RIPOR3: variants seen among roughly 807,000 people sequenced by gnomAD.
RIPOR3 encodes RIPOR family member 3.
Under a neutral mutation model 114.3 loss-of-function variants are expected in RIPOR3, and 95 were observed. The observed-to-expected ratio is 0.83, with a 90% CI of 0.70 to 0.99. The LOEUF is 0.99. Ranked by LOEUF, RIPOR3 falls within the 50% of genes least tolerant of loss-of-function variation. The pLI is 0.00. For missense variants in RIPOR3, 1,252 were observed against 1,266.9 expected (o/e 0.99, Z 0.18); for synonymous variants, 575 against 543.8 (o/e 1.06, Z -0.80).
chr20:50,608,085 G>A (rs866657142), intron 11 of RIPOR3, among the ~76,000 whole-genome samples: 1 of 152,090 alleles, frequency 6.6e-6, no homozygotes, highest in African/African-American at 2.4e-5. Context: ...CTGGAGAGGT[G>A]AGCCTCCTCC....
chr20:50,587,100 C>T lies in RIPOR3; in HGVS notation c.*132G>A. The T allele has an allele frequency of 1.4e-6, 1 of 701,120 alleles. No homozygotes were observed. The highest frequency in any genetic ancestry group is 1.8e-5 in the South Asian group (1 of 56,470). 43.4% of individuals were successfully genotyped at this position (701,120 alleles called of 1,614,324 possible). ...CTGGGGCTGGGTCAATGGCCGGAGT[C>T]TCAGGTAGAGCTCTGGGCAGCTCAC... On this transcript the variant is annotated 3_prime_UTR_variant, in exon 22 of 22. Transcript: ENST00000327979.
At chr20:50,637,745 G>A (rs548468834) in intron 1 of RIPOR3, among the ~76,000 whole-genome samples, 2 of 152,062 alleles carry the variant, frequency 1.3e-5, no homozygotes, top group South Asian at 4.2e-4. Flanking sequence ...CGTAGTGGCG[G>A]GCTCCTGTAA....
intron 1 of RIPOR3, among the ~76,000 whole-genome samples, chr20:50,631,117 A>G (rs2123253469): frequency 6.6e-6 from 1 of 152,204 alleles, no homozygotes; most frequent in African/African-American, 2.4e-5. Flanking sequence ...GTGCCGGGCA[A>G]TGCTGCCTCC....
chr20:50,643,061 CA>C (rs1272831659), intron 1 of RIPOR3, among the ~76,000 whole-genome samples: 1 of 151,064 alleles, frequency 6.6e-6, no homozygotes, highest in Non-Finnish European at 1.5e-5. Context: ...AAAAAAAACC[CA>C]AAAAGAATAG....
At chr20:50,678,408 C>G (rs1014601017) in intron 1 of RIPOR3, among the ~76,000 whole-genome samples, 1 of 152,184 alleles carries the variant, frequency 6.6e-6, no homozygotes, top group Non-Finnish European at 1.5e-5. Context: ...CACCTCCCAC[C>G]CCACCCCACA....
Position 50,604,776 on chromosome 20 carries a change from T to G in RIPOR3, c.957-2A>C. On this transcript the variant is annotated splice_acceptor_variant, in intron 11 of 21. Transcript: ENST00000327979. LOFTEE classifies it high-confidence loss of function. Reference sequence around the variant, plus strand: ...AGGAAGCTCTCAGTATCAAACGGGCTGGAGGAGAGAACAGAAGGTCAGGAT... The same window carrying G: ...AGGAAGCTCTCAGTATCAAACGGGCGGGAGGAGAGAACAGAAGGTCAGGAT... 6.2e-7 allele frequency: 1 copy of G among 1,607,234 alleles called. No homozygotes were observed. The highest frequency in any genetic ancestry group is 8.5e-7 in the Non-Finnish European group (1 of 1,177,824).
chr20:50,668,856 CAAA>C (rs771469226), intron 1 of RIPOR3, among the ~76,000 whole-genome samples: 2 of 131,316 alleles, frequency 1.5e-5, no homozygotes, highest in Non-Finnish European at 3.3e-5. Flanking sequence ...GACTCCATCT[CAAA>C]AAAAAAAAAA....
chr20:50,662,741 G>A (rs1390836484), intron 1 of RIPOR3, among the ~76,000 whole-genome samples: 2 of 152,222 alleles, frequency 1.3e-5, no homozygotes, highest in African/African-American at 4.8e-5. Context: ...TGACACGGGG[G>A]AAGTCAATTC....
In RIPOR3 at chr20:50,594,635, G is replaced by A. The variant is rs1159929379; in HGVS notation, c.2130C>T (p.Cys710=). 6.2e-7 allele frequency: 1 copy of A among 1,613,686 alleles called. No individual in the cohort carries two copies. The highest frequency in any genetic ancestry group is 1.3e-5 in the African/African-American group (1 of 74,870). Residue 710 remains cysteine, a synonymous_variant, in exon 17 of 22, where the codon TGC becomes TGT. Transcript: ENST00000327979. ...GCTGGTTCAGCAGCGTCGTGGCAGG[G>A]CAGGACAGGACCCTGCCAGGCCCTG... is the stretch of plus-strand genomic sequence containing the variant. The part of the protein sequence containing the change: ...GCTGPGRVLS[C]PATTLLNQLK...
intron 1 of RIPOR3, among the ~76,000 whole-genome samples, chr20:50,665,650 G>T (rs1367061663): frequency 6.6e-6 from 1 of 152,018 alleles, no homozygotes; most frequent in South Asian, 2.1e-4. Context: ...TCGAACTCCT[G>T]ACCTTGTGAT....
In RIPOR3 at chr20:50,602,189, G is replaced by T. The variant is rs768013136; in HGVS notation, c.1542C>A (p.Gly514=). The T allele has an allele frequency of 3.1e-6, 5 of 1,613,130 alleles. No homozygotes were observed. In the African/African-American group the frequency reaches 6.7e-5, roughly 22 times the overall value. ...GATGDREDGP[G]VALEGPLQEV... Reference sequence around the variant, plus strand: ...CCTGCAGAGGCCCCTCGAGGGCCACGCCAGGCCCGTCCTCTCTGTCCCCGG... The same window carrying T: ...CCTGCAGAGGCCCCTCGAGGGCCACTCCAGGCCCGTCCTCTCTGTCCCCGG... The change falls in exon 13 of 22, where the codon GGC becomes GGA. Residue 514 remains glycine (G), a synonymous_variant. Transcript: ENST00000327979. This position sits in a 1 kb window ranked among gnomAD's most constrained non-coding sequence, Gnocchi z 4.3.
At chr20:50,625,221 C>T (rs146390803) in intron 2 of RIPOR3, among the ~76,000 whole-genome samples, 2 of 152,292 alleles carry the variant, frequency 1.3e-5, no homozygotes, top group African/African-American at 4.8e-5. Flanking sequence ...CAGGAGTGCA[C>T]AATTACACTC....
chr20:50,637,051 G>A (rs1174409244), intron 1 of RIPOR3, among the ~76,000 whole-genome samples: 1 of 152,160 alleles, frequency 6.6e-6, no homozygotes, highest in Non-Finnish European at 1.5e-5. Context: ...CCAGGAAGAG[G>A]AATGTGAGTT....
chr20:50,596,123 TC>T lies in RIPOR3; in HGVS notation c.1914+16del. ...CCCCTGTCTGCCCCTCCCTGACAAGTCCCCTAGCCCAGCCACCTGCAGCAGA... is the reference window on the plus strand; with the variant it reads ...CCCCTGTCTGCCCCTCCCTGACAAGTCCCTAGCCCAGCCACCTGCAGCAGA... On this transcript the variant is annotated intron_variant, in intron 15 of 21. Coordinates refer to ENST00000327979, the MANE Select transcript of RIPOR3 (RefSeq NM_001290268.2). 6.2e-7 allele frequency: 1 copy of T among 1,613,886 alleles called. No individual in the cohort carries two copies. The highest frequency in any genetic ancestry group is 8.5e-7 in the Non-Finnish European group (1 of 1,179,954).
rs942692463 is a variant in RIPOR3 at position 50,658,189 on chromosome 20, A to C, written c.4-27333T>G. 2.6e-5 allele frequency among the ~76,000 whole-genome samples: 4 copies of C among 152,224 alleles called. No individual in the cohort carries two copies. In the South Asian group the frequency reaches 8.3e-4, roughly 32 times the overall value. ...ATTCATCATAGCAAAAAGGTGCAAG[A>C]GACCCAAATGTCCATTGACAGATGA... is the stretch of plus-strand genomic sequence containing the variant. On this transcript the variant is annotated intron_variant, in intron 1 of 21. Transcript: ENST00000327979.
In RIPOR3 at chr20:50,608,466, G is replaced by A; in HGVS notation, c.879C>T (p.Phe293=). 2 of 1,613,968 alleles carry A rather than the reference G, an allele frequency of 1.2e-6. No homozygotes were observed. The highest frequency in any genetic ancestry group is 1.7e-4 in the Middle Eastern group (1 of 6,060). ...GAVTCDIADF[F]TTRPQVIVVD... ...CCACGATGACCTGCGGCCGCGTCGT[G>A]AAGAAGTCGGCGATGTCACACGTCA... is the stretch of plus-strand genomic sequence containing the variant. The change falls in exon 11 of 22, where the codon TTC becomes TTT. Residue 293 remains phenylalanine, a synonymous_variant. Coordinates refer to ENST00000327979, the MANE Select transcript of RIPOR3 (RefSeq NM_001290268.2).
In RIPOR3 at chr20:50,602,496, G is replaced by A. The variant is rs773358330; in HGVS notation, c.1235C>T (p.Ser412Phe). The change falls in exon 13 of 22, where the codon TCT becomes TTT. Residue 412 changes from serine (S) to phenylalanine (F), a missense_variant. Coordinates refer to ENST00000327979, the MANE Select transcript of RIPOR3 (RefSeq NM_001290268.2). The surrounding 1 kb of genome is among the most constrained non-coding windows in gnomAD (Gnocchi z 4.3). The stretch of plus-strand genomic sequence containing the variant: ...GGTCTCCGTGTCTCGGGGGTCCTCA[G>A]AGCTGAAGGAGTCCATCTCAGGCAG... ...QELPEMDSFS[S>F]EDPRDTETST... 2.6e-6 allele frequency: 4 copies of A among 1,563,512 alleles called. No individual in the cohort carries two copies. Among genetic ancestry groups the A allele is most frequent in the Non-Finnish European group, 3.5e-6 (4 of 1,152,930 alleles).
chr20:50,622,438 T>G (rs557806883), intron 2 of RIPOR3, among the ~76,000 whole-genome samples: 2 of 152,234 alleles, frequency 1.3e-5, no homozygotes, highest in East Asian at 3.9e-4. Context: ...TGCCTCAGCC[T>G]CCCAAAGTAC....
chr20:50,593,239 A>G (rs1174954315), intron 17 of RIPOR3, 43 bp from the exon 18 acceptor site: 1 of 1,588,246 alleles, frequency 6.3e-7, no homozygotes, highest in Non-Finnish European at 8.5e-7. Context: ...TGAGACCTCG[A>G]CCCTCCACGC....
Sources: gnomAD v4.1 joint callset for allele counts (sites outside exome capture counted in the v4.1 genomes callset) on GRCh38, gnomAD v4.1.1 for gene constraint, Gnocchi (gnomAD v3.1) non-coding constraint, MANE v1.5 for transcripts, NCBI Gene and HGNC (gene_info 2026-07-23, HGNC 2026-07-21) for gene names.